NAV2: variants seen among roughly 807,000 people sequenced by gnomAD.
NAV2 encodes the protein helicase, APC down-regulated 1.
In NAV2, 54 loss-of-function variants were observed where a neutral mutation model predicts 223.2. The ratio of observed to expected loss-of-function variants is 0.24; its 90% CI spans 0.19 to 0.30. The LOEUF is 0.30. Among genes scored for constraint, NAV2 ranks in the 10% least tolerant of loss-of-function variants. The probability of loss-of-function intolerance (pLI) is 1.00; values close to 1 mark genes in which losing one functional copy is unlikely to be tolerated. For missense variants in NAV2, 2,806 were observed against 3,147.5 expected, an observed-to-expected ratio of 0.89 and a Z score of 2.60; for synonymous variants, 1,279 against 1,239.3, an observed-to-expected ratio of 1.03 and a Z score of -0.67.
intron 17 of NAV2, 123 bp downstream of exon 17, chr11:20,051,456 A>G (rs1431784409): frequency 5.2e-5 from 44 of 847,788 alleles, no homozygotes. Context: ...CCACCACAGC[A>G]GGACCTTTTG....
At chr11:19,881,428 A>G (rs1042456572) in intron 5 of NAV2, among the ~76,000 whole-genome samples, 14 of 152,202 alleles carry the variant, frequency 9.2e-5, no homozygotes, top group South Asian at 4.1e-4. Flanking sequence ...GGTTATTTAA[A>G]TGATCAGGGT....
chr11:19,520,745 T>C (rs1363382753), intron 1 of NAV2, among the ~76,000 whole-genome samples: 1 of 152,178 alleles, frequency 6.6e-6, no homozygotes, highest in Non-Finnish European at 1.5e-5. Context: ...GAAGATGCAC[T>C]TTGCCAAGCG....
intron 1 of NAV2, among the ~76,000 whole-genome samples, chr11:19,812,422 C>T (rs753681356): frequency 6.6e-6 from 1 of 152,050 alleles, no homozygotes; most frequent in African/African-American, 2.4e-5. Context: ...TATTAGTTTG[C>T]TTATTTTTTA....
chr11:19,555,424 C>T (rs1319963810), intron 1 of NAV2, among the ~76,000 whole-genome samples: 1 of 151,430 alleles, frequency 6.6e-6, no homozygotes, highest in Non-Finnish European at 1.5e-5. Context: ...CATAAACCAA[C>T]AGCAGCCAAC....
chr11:19,384,183 G>A (rs927827756), intron 1 of NAV2, among the ~76,000 whole-genome samples: 5 of 152,070 alleles, frequency 3.3e-5, no homozygotes, highest in Non-Finnish European at 7.4e-5. Context: ...AGACAAAAAC[G>A]TATATATGCA....
At chr11:19,761,050 G>A (rs772302833) in intron 1 of NAV2, among the ~76,000 whole-genome samples, 7 of 152,174 alleles carry the variant, frequency 4.6e-5, no homozygotes, top group Non-Finnish European at 8.8e-5. Context: ...TGAGCCCTTT[G>A]TTGAGATGGA....
intron 1 of NAV2, among the ~76,000 whole-genome samples, chr11:19,618,794 G>T (rs370954035): frequency 1.3e-5 from 2 of 151,760 alleles, no homozygotes; most frequent in African/African-American, 4.8e-5. Flanking sequence ...TTGGGGAGGG[G>T]GTACAGGGAA....
intron 4 of NAV2, among the ~76,000 whole-genome samples, chr11:19,878,604 A>ATTCT (rs2063001257): frequency 6.6e-6 from 1 of 152,188 alleles, no homozygotes; most frequent in Non-Finnish European, 1.5e-5. Flanking sequence ...GTAGGGTGTG[A>ATTCT]AGGCTGGATT....
chr11:19,856,405 A>G (rs1041971496), intron 3 of NAV2, among the ~76,000 whole-genome samples: 6 of 152,184 alleles, frequency 3.9e-5, no homozygotes, highest in Admixed American at 1.3e-4. Context: ...TTTATCACAG[A>G]CTTTAGAATT....
intron 1 of NAV2, among the ~76,000 whole-genome samples, chr11:19,581,268 C>T (rs1251894697): frequency 6.6e-6 from 1 of 152,070 alleles, no homozygotes; most frequent in Non-Finnish European, 1.5e-5. Flanking sequence ...GTTTTAATGG[C>T]GTTGACTTAT....
At chr11:19,958,135 C>T (rs1591423344) in intron 10 of NAV2, among the ~76,000 whole-genome samples, 2 of 152,172 alleles carry the variant, frequency 1.3e-5, no homozygotes, top group East Asian at 1.9e-4. Context: ...CTGCCTGCCA[C>T]CCACCCTTAC....
At chr11:20,082,506 A>C in intron 25 of NAV2, 6 of 1,378,708 alleles carry the variant, frequency 4.4e-6, no homozygotes, top group Non-Finnish European at 6.2e-6. Flanking sequence ...GAAAGTCCGA[A>C]GCTTTCCCTG....
chr11:19,702,103 G>A (rs771079928), intron 1 of NAV2, among the ~76,000 whole-genome samples: 3 of 152,194 alleles, frequency 2.0e-5, no homozygotes, highest in Non-Finnish European at 2.9e-5. Flanking sequence ...ATTAGTTATA[G>A]AGGCAAGTTG....
intron 8 of NAV2, among the ~76,000 whole-genome samples, chr11:19,946,150 C>T (rs2046918104): frequency 6.6e-6 from 1 of 152,230 alleles, no homozygotes; most frequent in African/African-American, 2.4e-5. Context: ...CACTTGGCTT[C>T]TCCCACATGC....
intron 1 of NAV2, among the ~76,000 whole-genome samples, chr11:19,460,939 G>A (rs1208321661): frequency 1.3e-5 from 2 of 152,114 alleles, no homozygotes; most frequent in East Asian, 3.9e-4. Flanking sequence ...AGACAGAGTT[G>A]AGACATAGAG....
At chr11:19,980,887 GCT>G (rs1444235371) in intron 10 of NAV2, among the ~76,000 whole-genome samples, 72 of 152,242 alleles carry the variant, frequency 4.7e-4, no homozygotes, top group African/African-American at 1.7e-3. Flanking sequence ...TCTAACCACA[GCT>G]CTGTCTCTGG....
At chr11:19,939,069 T>C (rs1448818425) in intron 7 of NAV2, among the ~76,000 whole-genome samples, 1 of 152,180 alleles carries the variant, frequency 6.6e-6, no homozygotes, top group Non-Finnish European at 1.5e-5. Flanking sequence ...GGAGAGGGTT[T>C]GGGGAAGTAC....
intron 18 of NAV2, 59 bp downstream of exon 18, chr11:20,054,299 A>C: frequency 6.8e-7 from 1 of 1,465,962 alleles, no homozygotes; most frequent in South Asian, 1.4e-5. Context: ...TGGTTATCTT[A>C]TATACATAAC....
At chr11:19,606,949 T>G (rs10833135) in intron 1 of NAV2, among the ~76,000 whole-genome samples, 26,915 of 152,184 alleles carry the variant, frequency 0.18, 5,744 homozygotes, top group African/African-American at 0.51. Flanking sequence ...GATCTCCAAG[T>G]GATTCTCCAA....
Sources: gnomAD v4.1 joint callset for allele counts (sites outside exome capture counted in the v4.1 genomes callset) on GRCh38, gnomAD v4.1.1 for gene constraint, MANE v1.5 for transcripts, NCBI Gene and HGNC (gene_info 2026-07-23, HGNC 2026-07-21) for gene names.